TNR: variants seen among roughly 807,000 people sequenced by gnomAD.
The protein encoded by TNR is tenascin-R.
Under a neutral mutation model 150.4 loss-of-function variants are expected in TNR, and 45 were observed. The ratio of observed to expected loss-of-function variants is 0.30; its 90% CI spans 0.24 to 0.38. The LOEUF (loss-of-function observed/expected upper bound fraction) is 0.38. TNR is among the 10% of genes least tolerant of loss of function. The pLI is 1.00. For missense variants in TNR, 1,544 were observed against 1,759.1 expected (o/e 0.88, Z 2.19); for synonymous variants, 687 against 678.4 (o/e 1.01, Z -0.20).
chr1:175,379,701 C>T lies in TNR; in HGVS notation c.1814G>A (p.Arg605His), dbSNP rs376736413. 6.1e-5 allele frequency: 99 copies of T among 1,614,010 alleles called. No individual in the cohort carries two copies. Among genetic ancestry groups the T allele is most frequent in the Non-Finnish European group, 7.6e-5 (90 of 1,180,020 alleles). Reference sequence around the variant, plus strand: ...CTCGAGGTCAAGGCTGGTTGCTGTGCGAGAACCAACTCGCAAGTTCTTGGG... The same window carrying T: ...CTCGAGGTCAAGGCTGGTTGCTGTGTGAGAACCAACTCGCAAGTTCTTGGG... The part of the protein sequence containing the change: ...DAPKNLRVGS[R>H]TATSLDLEWD... The change falls in exon 9 of 23, where the codon CGC becomes CAC. Residue 605 changes from arginine to histidine, a missense_variant. Transcript: ENST00000367674.
chr1:175,376,435 A>G (rs150593612), intron 9 of TNR, among the ~76,000 whole-genome samples: 1 of 151,880 alleles, frequency 6.6e-6, no homozygotes, highest in East Asian at 2.0e-4. Context: ...GATTCAATCA[A>G]CTGTCCCAAA....
chr1:175,712,108 C>T (rs186146907), intron 1 of TNR, among the ~76,000 whole-genome samples: 4 of 152,250 alleles, frequency 2.6e-5, no homozygotes, highest in Admixed American at 6.5e-5. Context: ...TTGATAACTG[C>T]TATGTGCCAG....
At chr1:175,709,887 A>G (rs1019343279) in intron 1 of TNR, among the ~76,000 whole-genome samples, 1 of 151,998 alleles carries the variant, frequency 6.6e-6, no homozygotes, top group Non-Finnish European at 1.5e-5. Flanking sequence ...CTCAAGGACT[A>G]TCAGGTGAGG....
chr1:175,519,735 A>G (rs975789943), intron 2 of TNR, among the ~76,000 whole-genome samples: 1 of 152,230 alleles, frequency 6.6e-6, no homozygotes, highest in Non-Finnish European at 1.5e-5. Context: ...TCCCACAAGG[A>G]ATAGTGGTCT....
At chr1:175,712,025 C>A (rs886417325) in intron 1 of TNR, among the ~76,000 whole-genome samples, 3 of 152,138 alleles carry the variant, frequency 2.0e-5, no homozygotes, top group African/African-American at 7.2e-5. Flanking sequence ...ATGATAAAGA[C>A]TTTCCTCTAT....
intron 1 of TNR, among the ~76,000 whole-genome samples, chr1:175,713,431 T>C (rs1460360521): frequency 1.3e-5 from 2 of 152,192 alleles, no homozygotes; most frequent in Non-Finnish European, 2.9e-5. Flanking sequence ...ATAAGCTGAC[T>C]AAATCCATTC....
chr1:175,374,161 T>C (rs1351963), intron 9 of TNR, among the ~76,000 whole-genome samples: 64,740 of 151,938 alleles, frequency 0.43, 14,076 homozygotes, highest in Middle Eastern at 0.5. Context: ...AGGTGGACAT[T>C]GAGTGCCGTG....
intron 1 of TNR, among the ~76,000 whole-genome samples, chr1:175,540,367 C>T (rs1660454428): frequency 6.6e-6 from 1 of 152,138 alleles, no homozygotes; most frequent in Non-Finnish European, 1.5e-5. Flanking sequence ...ATGCCAGACT[C>T]CCAGGAGGGC....
chr1:175,459,939 T>C (rs995292935), intron 2 of TNR, among the ~76,000 whole-genome samples: 3 of 152,130 alleles, frequency 2.0e-5, no homozygotes, highest in African/African-American at 7.2e-5. Context: ...TGATAAATAA[T>C]GTATATAGAG....
At chr1:175,620,243 G>C (rs1005867240) in intron 1 of TNR, among the ~76,000 whole-genome samples, 1 of 152,186 alleles carries the variant, frequency 6.6e-6, no homozygotes, top group African/African-American at 2.4e-5. Context: ...TCAGAGCAAT[G>C]AGTGTGCACT....
chr1:175,660,566 T>C (rs1665334485), intron 1 of TNR, among the ~76,000 whole-genome samples: 1 of 152,336 alleles, frequency 6.6e-6, no homozygotes, highest in African/African-American at 2.4e-5. Flanking sequence ...AAAAAGATAG[T>C]TATACAAACC....
intron 1 of TNR, among the ~76,000 whole-genome samples, chr1:175,547,680 G>A (rs558418919): frequency 2.0e-5 from 3 of 151,374 alleles, no homozygotes; most frequent in African/African-American, 7.3e-5. Context: ...GAAAGAGAGA[G>A]AGAAAGAAAG....
At chr1:175,425,644 G>A (rs1194812905) in intron 2 of TNR, among the ~76,000 whole-genome samples, 1 of 152,198 alleles carries the variant, frequency 6.6e-6, no homozygotes, top group Non-Finnish European at 1.5e-5. Flanking sequence ...CCACCACTGA[G>A]CAGGGTAAAA....
chr1:175,556,688 T>C, intron 1 of TNR: 1 of 152,902 alleles, frequency 6.5e-6, no homozygotes, highest in Non-Finnish European at 1.5e-5. Flanking sequence ...TTTCTGTATT[T>C]GTGCATGTGT....
At chr1:175,355,719 C>T (rs1651292867) in intron 16 of TNR, 86 bp from the exon 17 acceptor site, 1 of 1,571,400 alleles carries the variant, frequency 6.4e-7, no homozygotes, top group African/African-American at 1.4e-5. Context: ...CTGTTGCCCA[C>T]CTCTTTGGTC....
chr1:175,618,395 G>C (rs12030347), intron 1 of TNR, among the ~76,000 whole-genome samples: 73,500 of 152,072 alleles, frequency 0.48, 19,159 homozygotes, highest in African/African-American at 0.7. Context: ...AATGCAGACA[G>C]TACAAATCAA....
intron 18 of TNR, among the ~76,000 whole-genome samples, chr1:175,347,741 T>G (rs1265835712): frequency 6.6e-6 from 1 of 152,082 alleles, no homozygotes; most frequent in Non-Finnish European, 1.5e-5. Context: ...TTTTTTTAAT[T>G]TAAATTTACA....
chr1:175,439,244 T>C (rs939449367), intron 2 of TNR, among the ~76,000 whole-genome samples: 1 of 152,042 alleles, frequency 6.6e-6, no homozygotes, highest in Non-Finnish European at 1.5e-5. Flanking sequence ...ATCTGATCTT[T>C]GACAAACCTG....
chr1:175,384,522 G>A lies in TNR; in HGVS notation c.1777+1510C>T, dbSNP rs138647898. Among the ~76,000 whole-genome samples, 154 of 152,292 alleles carry A rather than the reference G, an allele frequency of 1.0e-3. 1 individual carries two copies. The highest frequency in any genetic ancestry group is 2.7e-3 in the African/African-American group (113 of 41,568). ...AAATAAACTTTGCCTTCTCCATTTT[G>A]TCAGTGTCTGTACTTGCTCCTTTTT... On this transcript the variant is annotated intron_variant, in intron 8 of 22. Coordinates refer to ENST00000367674, the MANE Select transcript of TNR (RefSeq NM_003285.3).
Sources: gnomAD v4.1 joint callset for allele counts (sites outside exome capture counted in the v4.1 genomes callset) on GRCh38, gnomAD v4.1.1 for gene constraint, MANE v1.5 for transcripts, NCBI Gene and HGNC (gene_info 2026-07-23, HGNC 2026-07-21) for gene names.